PPP2R3C: variants seen among roughly 807,000 people sequenced by gnomAD.
The protein encoded by PPP2R3C is protein phosphatase 2 regulatory subunit B''gamma, also known as serine/threonine-protein phosphatase 2A regulatory subunit B'' subunit gamma.
Under a neutral mutation model 63.7 loss-of-function variants are expected in PPP2R3C, and 47 were observed. The observed-to-expected ratio is 0.74, with a 90% CI of 0.58 to 0.94. PPP2R3C has a LOEUF of 0.94. PPP2R3C is among the 40% of genes least tolerant of loss of function. The pLI is 0.00. For missense variants in PPP2R3C, 421 were observed against 518.4 expected (o/e 0.81, Z 1.82); for synonymous variants, 180 against 177.4 (o/e 1.01, Z -0.12).
At chr14:35,105,064 G>A (rs560124345) in intron 6 of PPP2R3C, among the ~76,000 whole-genome samples, 42 of 151,132 alleles carry the variant, frequency 2.8e-4, no homozygotes, top group African/African-American at 7.8e-4. Flanking sequence ...AAAAAAAAGC[G>A]GGGGGGTGGA....
chr14:35,088,688 G>A (rs2045689411), intron 11 of PPP2R3C, among the ~76,000 whole-genome samples: 1 of 152,158 alleles, frequency 6.6e-6, no homozygotes, highest in South Asian at 2.1e-4. Context: ...ATAAGAATCT[G>A]AGTACATGCT....
intron 1 of PPP2R3C, among the ~76,000 whole-genome samples, chr14:35,119,270 T>G (rs566713956): frequency 6.6e-6 from 1 of 152,244 alleles, no homozygotes; most frequent in African/African-American, 2.4e-5. Flanking sequence ...ACTCCTGACC[T>G]CAAGTGATCT....
chr14:35,094,987 G>C (rs796911221), intron 10 of PPP2R3C, 61 bp downstream of exon 10: 6 of 1,514,080 alleles, frequency 4.0e-6, no homozygotes, highest in South Asian at 1.2e-5. Context: ...TCAAGAAAAG[G>C]GTTTGTGGAA....
chr14:35,105,256 C>T (rs1180389153), intron 6 of PPP2R3C, among the ~76,000 whole-genome samples: 2 of 151,826 alleles, frequency 1.3e-5, no homozygotes, highest in Admixed American at 1.3e-4. Flanking sequence ...AATCTAGGCT[C>T]ACTGCAACCT....
At chr14:35,106,091 C>T (rs1042394039) in intron 6 of PPP2R3C, among the ~76,000 whole-genome samples, 2 of 151,694 alleles carry the variant, frequency 1.3e-5, no homozygotes, top group African/African-American at 2.4e-5. Flanking sequence ...GTGATCCGCC[C>T]GCCTCGGCCT....
intron 11 of PPP2R3C, among the ~76,000 whole-genome samples, chr14:35,089,091 T>C (rs1030365538): frequency 2.0e-5 from 3 of 152,128 alleles, no homozygotes; most frequent in African/African-American, 4.8e-5. Flanking sequence ...TAAGCCCATA[T>C]AGCATTCAGT....
In PPP2R3C at chr14:35,096,652, A is replaced by G. The variant is rs750090130; in HGVS notation, c.763-19T>C. 3 of 1,611,306 alleles carry G rather than the reference A, an allele frequency of 1.9e-6. No individual in the cohort carries two copies. The highest frequency in any genetic ancestry group is 2.2e-5 in the South Asian group (2 of 90,270). On this transcript the variant is annotated intron_variant, in intron 8 of 12. Coordinates refer to ENST00000261475, the MANE Select transcript of PPP2R3C (RefSeq NM_017917.4). ...CCCTTAGCTAATGGAACACAAAGAC[A>G]TAATTAGAAGATAGCAACTGTCAAG... is the stretch of plus-strand genomic sequence containing the variant.
At chr14:35,108,056 TAGAAGAA>T (rs1030518111) in intron 5 of PPP2R3C, 76 bp downstream of exon 5, 7 of 1,508,418 alleles carry the variant, frequency 4.6e-6, no homozygotes, top group Middle Eastern at 3.5e-4. Flanking sequence ...TGATTTCACA[TAGAAGAA>T]ATACTTATAA....
intron 12 of PPP2R3C, 109 bp downstream of exon 12, chr14:35,087,842 C>G (rs781412572): frequency 4.8e-5 from 40 of 830,118 alleles, no homozygotes; most frequent in Non-Finnish European, 7.5e-5. Context: ...AAAAAGCAAA[C>G]ACTTGATTCA....
chr14:35,120,540 C>G (rs991630394), intron 1 of PPP2R3C, among the ~76,000 whole-genome samples: 1 of 152,208 alleles, frequency 6.6e-6, no homozygotes, highest in African/African-American at 2.4e-5. Flanking sequence ...CGACCGCGCC[C>G]GGCCGACTGC....
chr14:35,107,944 G>C (rs894943088), intron 5 of PPP2R3C, 195 bp downstream of exon 5: 14 of 551,936 alleles, frequency 2.5e-5, no homozygotes, highest in South Asian at 1.5e-4. Context: ...TTATCTTTAA[G>C]ACACATGAGG....
intron 12 of PPP2R3C, chr14:35,087,201 TAC>T (rs1312044948): frequency 6.6e-6 from 1 of 152,186 alleles, no homozygotes; most frequent in Admixed American, 6.5e-5. Flanking sequence ...AACAGATATT[TAC>T]AGGGAATTAG....
intron 1 of PPP2R3C, among the ~76,000 whole-genome samples, chr14:35,118,431 C>T (rs1265465871): frequency 6.6e-6 from 1 of 152,092 alleles, no homozygotes; most frequent in African/African-American, 2.4e-5. Flanking sequence ...ACCAGACTTA[C>T]GCAGGTGCTG....
chr14:35,097,673 G>A (rs908318471), intron 7 of PPP2R3C, among the ~76,000 whole-genome samples: 6 of 151,982 alleles, frequency 3.9e-5, no homozygotes, highest in Non-Finnish European at 7.4e-5. Flanking sequence ...TAGTAGAGAT[G>A]GGGTTTCACT....
chr14:35,087,075 T>C (rs1213207234), intron 12 of PPP2R3C: 1 of 152,116 alleles, frequency 6.6e-6, no homozygotes, highest in Non-Finnish European at 1.5e-5. Context: ...AACATTTTGT[T>C]AGGATGGGAG....
intron 7 of PPP2R3C, among the ~76,000 whole-genome samples, chr14:35,097,513 G>A (rs1296836584): frequency 7.0e-6 from 1 of 143,500 alleles, no homozygotes; most frequent in Non-Finnish European, 1.5e-5. Flanking sequence ...ACAGAGTTTC[G>A]CTCTTGTTGC....
intron 12 of PPP2R3C, chr14:35,086,798 CCTT>C (rs1321828082): frequency 6.6e-6 from 1 of 151,846 alleles, no homozygotes; most frequent in South Asian, 2.1e-4. Context: ...GTGCCCAGCC[CCTT>C]CTTTTTTTGT....
intron 1 of PPP2R3C, among the ~76,000 whole-genome samples, chr14:35,118,416 A>G (rs1255236680): frequency 6.6e-6 from 1 of 152,170 alleles, no homozygotes; most frequent in East Asian, 1.9e-4. Context: ...TACACTGATG[A>G]AGGAACCAGA....
In PPP2R3C at chr14:35,107,319, C is replaced by G; in HGVS notation, c.558G>C (p.Gly186=). Residue 186 remains glycine (G), a synonymous_variant, in exon 6 of 13, where the codon GGG becomes GGC. Coordinates refer to ENST00000261475, the MANE Select transcript of PPP2R3C (RefSeq NM_017917.4). ...TAACACTTACAGATTCCCGAAGGTA[C>G]CCCTGCCCAGCGACATCATATAAAC... ...GLSLYDVAGQ[G]YLRESDLENY... 6.2e-7 allele frequency: 1 copy of G among 1,605,416 alleles called. No individual in the cohort carries two copies. The highest frequency in any genetic ancestry group is 8.5e-7 in the Non-Finnish European group (1 of 1,172,104).
Sources: gnomAD v4.1 joint callset for allele counts (sites outside exome capture counted in the v4.1 genomes callset) on GRCh38, gnomAD v4.1.1 for gene constraint, MANE v1.5 for transcripts, NCBI Gene and HGNC (gene_info 2026-07-23, HGNC 2026-07-21) for gene names.